GRIK2: variants seen among roughly 807,000 people sequenced by gnomAD.
The protein encoded by GRIK2 is glutamate ionotropic receptor kainate type subunit 2, also known as glutamate receptor ionotropic, kainate 2.
Under a neutral mutation model 100.3 loss-of-function variants are expected in GRIK2, and 32 were observed. That is an observed-to-expected ratio of 0.32 (90% CI 0.24 to 0.43). The LOEUF (loss-of-function observed/expected upper bound fraction) is 0.43, where lower values mean the gene tolerates loss of function less well. Among genes scored for constraint, GRIK2 ranks in the 20% least tolerant of loss-of-function variants. The pLI is 1.00. For missense variants in GRIK2, 843 were observed against 1,114.9 expected (o/e 0.76, Z 3.47); for synonymous variants, 417 against 389.4 (o/e 1.07, Z -0.83).
intron 7 of GRIK2, chr6:101,744,530 A>ATATATG (rs1776272408): frequency 1.2e-5 from 1 of 83,028 alleles, no homozygotes; most frequent in South Asian, 5.0e-4. Context: ...GCGCATATAT[A>ATATATG]TATATATATA....
At chr6:101,730,648 G>GTT (rs545754903) in intron 7 of GRIK2, among the ~76,000 whole-genome samples, 124 of 149,510 alleles carry the variant, frequency 8.3e-4, no homozygotes, top group African/African-American at 2.6e-3. Flanking sequence ...ACCCTTTTTT[G>GTT]TTTTTTTTTG....
At position 101,802,375 on chromosome 6, in the gene GRIK2, C is replaced by G. The variant is rs1780728598; in HGVS notation, c.1140C>G (p.Thr380=). 6.3e-7 allele frequency: 1 copy of G among 1,592,812 alleles called. No individual in the cohort carries two copies. The highest frequency in any genetic ancestry group is 8.6e-7 in the Non-Finnish European group (1 of 1,167,954). ...GLTGRITFNK[T]NGLRTDFDLD... ...CAGGCAGAATAACTTTCAACAAAAC[C>G]AATGGCTTGAGAACAGATTTTGATT... Residue 380 remains threonine (T), a synonymous_variant, in exon 9 of 17, where the codon ACC becomes ACG. Transcript: ENST00000369134.
chr6:101,709,091 T>C (rs182264377), intron 7 of GRIK2, among the ~76,000 whole-genome samples: 1 of 151,738 alleles, frequency 6.6e-6, no homozygotes, highest in Admixed American at 6.6e-5. Flanking sequence ...AAGAGGGAAA[T>C]TGGAACACAG....
At chr6:101,526,844 G>A (rs1266693015) in intron 2 of GRIK2, among the ~76,000 whole-genome samples, 2 of 152,148 alleles carry the variant, frequency 1.3e-5, no homozygotes, top group Admixed American at 6.5e-5. Context: ...GTTCGGAGGA[G>A]GCAACACTTC....
chr6:101,482,427 T>C (rs62419590), intron 2 of GRIK2, among the ~76,000 whole-genome samples: 2,377 of 152,196 alleles, frequency 0.016, 23 homozygotes, highest in Non-Finnish European at 0.025. Flanking sequence ...ACTGGGCAGT[T>C]TGGCTTTCCC....
At chr6:101,639,594 ACATG>A (rs1206733897) in intron 4 of GRIK2, among the ~76,000 whole-genome samples, 1 of 145,206 alleles carries the variant, frequency 6.9e-6, no homozygotes, top group Non-Finnish European at 1.5e-5. Context: ...CCATCTCAAT[ACATG>A]CATACATACA....
chr6:101,671,425 A>C (rs1770424594), intron 4 of GRIK2, among the ~76,000 whole-genome samples: 1 of 152,090 alleles, frequency 6.6e-6, no homozygotes. Flanking sequence ...GCATTATTTT[A>C]TATACTTATA....
chr6:102,056,386 A>G (rs1771462578), intron 16 of GRIK2, among the ~76,000 whole-genome samples: 1 of 151,980 alleles, frequency 6.6e-6, no homozygotes, highest in South Asian at 2.1e-4. Flanking sequence ...ACTCTTTCAG[A>G]TGCTACATGA....
chr6:101,994,216 T>C (rs1794533251), intron 14 of GRIK2, among the ~76,000 whole-genome samples: 1 of 151,188 alleles, frequency 6.6e-6, no homozygotes, highest in African/African-American at 2.4e-5. Flanking sequence ...TCCTAATCTC[T>C]CCATGATACG....
intron 7 of GRIK2, among the ~76,000 whole-genome samples, chr6:101,701,636 A>G (rs1157378584): frequency 6.6e-6 from 1 of 152,122 alleles, no homozygotes; most frequent in Non-Finnish European, 1.5e-5. Flanking sequence ...AATTTAACTG[A>G]CAAAAATTAT....
chr6:102,060,895 C>T (rs983996739), intron 16 of GRIK2, among the ~76,000 whole-genome samples: 20 of 150,236 alleles, frequency 1.3e-4, no homozygotes, highest in African/African-American at 4.9e-4. Context: ...TCTTGTCAGA[C>T]CTTATGTATT....
chr6:101,579,082 C>G (rs1582756112), intron 2 of GRIK2, among the ~76,000 whole-genome samples: 2 of 152,096 alleles, frequency 1.3e-5, no homozygotes, highest in African/African-American at 4.8e-5. Flanking sequence ...TAGACCAACA[C>G]TAGGCACATT....
At chr6:102,048,608 T>C (rs927539161) in intron 15 of GRIK2, among the ~76,000 whole-genome samples, 4 of 152,120 alleles carry the variant, frequency 2.6e-5, no homozygotes, top group Non-Finnish European at 5.9e-5. Flanking sequence ...TAATTCACCA[T>C]TGTTAATCAT....
intron 2 of GRIK2, among the ~76,000 whole-genome samples, chr6:101,593,250 T>C (rs112410742): frequency 7.2e-4 from 110 of 151,974 alleles, no homozygotes; most frequent in African/African-American, 2.6e-3. Flanking sequence ...ATGGAGGTGA[T>C]GATGGGAATA....
At chr6:101,995,558 A>T (rs1055129548) in intron 14 of GRIK2, among the ~76,000 whole-genome samples, 3 of 151,976 alleles carry the variant, frequency 2.0e-5, no homozygotes, top group Non-Finnish European at 4.4e-5. Flanking sequence ...GACTGCTTTA[A>T]ATGCTCATCA....
At chr6:101,695,593 G>A (rs1359885619) in intron 7 of GRIK2, among the ~76,000 whole-genome samples, 2 of 151,860 alleles carry the variant, frequency 1.3e-5, no homozygotes, top group African/African-American at 4.8e-5. Context: ...AGTGTCACTG[G>A]TCACAGTATT....
chr6:101,442,489 C>T (rs1293691251), intron 2 of GRIK2, among the ~76,000 whole-genome samples: 9 of 152,086 alleles, frequency 5.9e-5, no homozygotes, highest in South Asian at 4.1e-4. Context: ...TGGCTGTCTC[C>T]GAACCTTAAT....
At chr6:101,479,808 A>G (rs1007759334) in intron 2 of GRIK2, among the ~76,000 whole-genome samples, 27 of 152,284 alleles carry the variant, frequency 1.8e-4, no homozygotes, top group African/African-American at 6.0e-4. Context: ...TTAAATGTAA[A>G]CATTTGTCAT....
In GRIK2 at chr6:102,035,404, C is replaced by A; in HGVS notation, c.2149C>A (p.Leu717Met). 1 of 1,609,074 alleles carries A rather than the reference C, an allele frequency of 6.2e-7. No individual in the cohort carries two copies. The highest frequency in any genetic ancestry group is 8.5e-7 in the Non-Finnish European group (1 of 1,176,514). The change falls in exon 15 of 17, where the codon CTG (leucine) becomes ATG (methionine). Residue 717 changes from leucine (L) to methionine (M), a missense_variant. By Grantham distance (15) the Leu-to-Met change is conservative. Around this residue, in one of 3 missense-constraint regions of GRIK2, gnomAD observed 237 missense variants for 388.0 expected, o/e 0.61. Coordinates refer to ENST00000369134, the MANE Select transcript of GRIK2 (RefSeq NM_021956.5). Reference protein sequence around the residue: ...AFMSSRRQSVLVKSNEEGIQR... With the variant: ...AFMSSRRQSVMVKSNEEGIQR... ...TATGAGTAGCAGAAGGCAGTCAGTGCTGGTCAAAAGTAATGAAGAAGGAAT... is the reference window on the plus strand; with the variant it reads ...TATGAGTAGCAGAAGGCAGTCAGTGATGGTCAAAAGTAATGAAGAAGGAAT...
Sources: gnomAD v4.1 joint callset for allele counts (sites outside exome capture counted in the v4.1 genomes callset) on GRCh38, gnomAD v4.1.1 for gene constraint, gnomAD v4.1.1 regional missense constraint, MANE v1.5 for transcripts, NCBI Gene and HGNC (gene_info 2026-07-23, HGNC 2026-07-21) for gene names.